Variants in GRIP1 observed in about 807,000 individuals in gnomAD.
The protein encoded by GRIP1 is glutamate receptor interacting protein 1, also known as glutamate receptor-interacting protein 1.
Under a neutral mutation model 129.9 loss-of-function variants are expected in GRIP1, and 45 were observed. The observed-to-expected ratio is 0.35, with a 90% CI of 0.27 to 0.44. The LOEUF is 0.44. GRIP1 is among the 20% of genes least tolerant of loss of function. The pLI, the probability that GRIP1 is intolerant of heterozygous loss-of-function variation, is 1.00. For missense variants in GRIP1, 1,196 were observed against 1,396.8 expected (o/e 0.86, Z 2.29); for synonymous variants, 530 against 520.8 (o/e 1.02, Z -0.24).
intron 15 of GRIP1, among the ~76,000 whole-genome samples, chr12:66,407,737 G>A (rs991521942): frequency 6.6e-6 from 1 of 152,154 alleles, no homozygotes; most frequent in Admixed American, 6.5e-5. Flanking sequence ...AAGTGTTCTT[G>A]GGTACTAAAT....
At chr12:66,804,958 T>C (rs2038959547), upstream of GRIP1, among the ~76,000 whole-genome samples, 1 of 152,200 alleles carries the variant, frequency 6.6e-6, no homozygotes, top group South Asian at 2.1e-4. Flanking sequence ...GTTTACCCAC[T>C]GGGCATTAAT....
chr12:66,861,566 C>T (rs1156628242), intron 1 of GRIP1, among the ~76,000 whole-genome samples: 1 of 152,052 alleles, frequency 6.6e-6, no homozygotes, highest in Non-Finnish European at 1.5e-5. Context: ...GGGCTAAAGG[C>T]TGAATACAGA....
chr12:66,548,753 AAG>A (rs2062028480), intron 2 of GRIP1, among the ~76,000 whole-genome samples: 1 of 152,188 alleles, frequency 6.6e-6, no homozygotes, highest in Non-Finnish European at 1.5e-5. Flanking sequence ...GTCACTGAGA[AAG>A]GGAATCTAGA....
At chr12:66,888,902 G>A (rs559027359) in intron 1 of GRIP1, among the ~76,000 whole-genome samples, 1 of 152,270 alleles carries the variant, frequency 6.6e-6, no homozygotes, top group South Asian at 2.1e-4. Context: ...CTGAGTAAGA[G>A]TGCCCTAAAA....
intron 7 of GRIP1, among the ~76,000 whole-genome samples, chr12:66,504,124 C>T (rs1055449317): frequency 6.6e-6 from 1 of 152,138 alleles, no homozygotes; most frequent in African/African-American, 2.4e-5. Flanking sequence ...TGAGAGTCAA[C>T]TCAAGCTAAG....
chr12:66,431,752 T>C (rs563451415), intron 14 of GRIP1, among the ~76,000 whole-genome samples: 151 of 152,300 alleles, frequency 9.9e-4, no homozygotes, highest in Admixed American at 4.1e-3. Flanking sequence ...ATTTAGTCTA[T>C]GGATATTAAA....
At chr12:66,827,234 C>A (rs990883356) in intron 1 of GRIP1, among the ~76,000 whole-genome samples, 1 of 152,056 alleles carries the variant, frequency 6.6e-6, no homozygotes, top group Non-Finnish European at 1.5e-5. Flanking sequence ...GAGTTCTCAT[C>A]TGAAACTCAA....
chr12:66,858,913 G>C lies in GRIP1; in HGVS notation c.58+210137C>G, dbSNP rs553707177. On this transcript the variant is annotated intron_variant, in intron 1 of 1. Transcript: ENST00000643019. Reference sequence around the variant, plus strand: ...ACTTTTTTGTGGTTGTTGGTTATGGGAAAATTTTGATGTATCAGAGCTCTT... The same window carrying C: ...ACTTTTTTGTGGTTGTTGGTTATGGCAAAATTTTGATGTATCAGAGCTCTT... 1.7e-3 allele frequency among the ~76,000 whole-genome samples: 254 copies of C among 151,962 alleles called. 1 individual carries two copies. Among genetic ancestry groups the C allele is most frequent in the African/African-American group, 5.5e-3 (227 of 41,488 alleles).
intron 1 of GRIP1, among the ~76,000 whole-genome samples, chr12:67,001,570 C>G (rs554549647): frequency 1.4e-4 from 21 of 152,260 alleles, no homozygotes; most frequent in African/African-American, 5.1e-4. Context: ...ACATAATAAT[C>G]AGGATACTAC....
chr12:66,756,165 G>A (rs573006511), intron 1 of GRIP1, among the ~76,000 whole-genome samples: 31 of 152,140 alleles, frequency 2.0e-4, no homozygotes, highest in African/African-American at 7.5e-4. Flanking sequence ...GAAACCCCAT[G>A]CCCACTGAGC....
intron 13 of GRIP1, among the ~76,000 whole-genome samples, chr12:66,438,770 A>G (rs1344179196): frequency 6.6e-6 from 1 of 152,164 alleles, no homozygotes; most frequent in Non-Finnish European, 1.5e-5. Flanking sequence ...TGCTGGGATT[A>G]CAGGCATGAG....
intron 7 of GRIP1, among the ~76,000 whole-genome samples, chr12:66,484,702 G>A (rs1319602961): frequency 1.3e-5 from 2 of 152,076 alleles, no homozygotes; most frequent in Non-Finnish European, 2.9e-5. Context: ...TGTGAAAAGA[G>A]GTTGCTTAGT....
chr12:66,816,533 A>G (rs1351750660), intron 1 of GRIP1, among the ~76,000 whole-genome samples: 1 of 152,204 alleles, frequency 6.6e-6, no homozygotes, highest in South Asian at 2.1e-4. Context: ...CTTATCCATT[A>G]AAGATTCAAT....
chr12:66,560,481 T>G (rs997028113), intron 2 of GRIP1, among the ~76,000 whole-genome samples: 2 of 151,910 alleles, frequency 1.3e-5, no homozygotes, highest in Middle Eastern at 3.4e-3. Flanking sequence ...AGTAAAAGTT[T>G]TAATGTAATA....
chr12:66,497,768 A>T (rs1478848369), intron 7 of GRIP1, among the ~76,000 whole-genome samples: 1 of 152,152 alleles, frequency 6.6e-6, no homozygotes, highest in Admixed American at 6.5e-5. Flanking sequence ...GAGTCAGGGA[A>T]CTGTGTACGT....
chr12:66,844,083 T>C lies in GRIP1; in HGVS notation c.58+224967A>G, dbSNP rs935011255. 3.3e-5 allele frequency among the ~76,000 whole-genome samples: 5 copies of C among 152,158 alleles called. No homozygotes were observed. In the South Asian group the frequency reaches 6.2e-4, roughly 19 times the overall value. On this transcript the variant is annotated intron_variant, in intron 1 of 1. Transcript: ENST00000643019. ...ATAAGGGGTTAATACCCAGAATATA[T>C]AAAGAATCCTACAACTCAACAACAA... is the stretch of plus-strand genomic sequence containing the variant.
chr12:66,533,532 C>T (rs1240809824), intron 4 of GRIP1, among the ~76,000 whole-genome samples: 1 of 152,066 alleles, frequency 6.6e-6, no homozygotes, highest in Non-Finnish European at 1.5e-5. Context: ...GTAATCCCAG[C>T]TACTCAGGAG....
At chr12:66,987,339 T>C (rs1431206119) in intron 1 of GRIP1, among the ~76,000 whole-genome samples, 3 of 152,210 alleles carry the variant, frequency 2.0e-5, no homozygotes, top group Admixed American at 2.0e-4. Context: ...TACTGATAGA[T>C]GGCAATAATT....
At chr12:66,843,597 TAAAG>T (rs1390145502) in intron 1 of GRIP1, among the ~76,000 whole-genome samples, 1 of 151,990 alleles carries the variant, frequency 6.6e-6, no homozygotes, top group Non-Finnish European at 1.5e-5. Flanking sequence ...AGTGCTAGCA[TAAAG>T]AAAGACACAG....
Sources: gnomAD v4.1 joint callset for allele counts (sites outside exome capture counted in the v4.1 genomes callset) on GRCh38, gnomAD v4.1.1 for gene constraint, MANE v1.5 for transcripts, NCBI Gene and HGNC (gene_info 2026-07-23, HGNC 2026-07-21) for gene names.